The following DBN1 variants were observed in gnomAD, a reference collection of about 807,000 sequenced individuals.
DBN1 encodes the protein drebrin 1, also known as drebrin.
DBN1 carries 21 observed loss-of-function variants against 83.5 expected under a neutral mutation model. The ratio of observed to expected loss-of-function variants is 0.25; its 90% confidence interval spans 0.18 to 0.36. The LOEUF (loss-of-function observed/expected upper bound fraction) is 0.36. Among genes scored for constraint, DBN1 ranks in the 10% least tolerant of loss-of-function variants. The probability of loss-of-function intolerance (pLI) is 1.00; values close to 1 mark genes in which losing one functional copy is unlikely to be tolerated. For missense variants in DBN1, 874 were observed against 935.7 expected (o/e 0.93, Z 0.86); for synonymous variants, 381 against 384.9 (o/e 0.99, Z 0.12).
chr5:177,467,489 C>T lies in DBN1; in HGVS notation c.469G>A (p.Glu157Lys). 6.3e-7 allele frequency: 1 copy of T among 1,592,874 alleles called. No homozygotes were observed. Among genetic ancestry groups the T allele is most frequent in the Non-Finnish European group, 8.6e-7 (1 of 1,168,824 alleles). ...RLRLREDENAEPVGTTYQKTD... is the reference protein window; with the variant it reads ...RLRLREDENAKPVGTTYQKTD... ...GCCAAACACACACTAACCACGGGCTCTGCGTTCTCATCCTCTCGCAGCCGC... is the reference window on the plus strand; with the variant it reads ...GCCAAACACACACTAACCACGGGCTTTGCGTTCTCATCCTCTCGCAGCCGC... The change falls in exon 5 of 15, where the codon GAG (glutamate) becomes AAG (lysine). Residue 157 changes from glutamate (E) to lysine (K), a missense_variant. Glu to Lys is a moderately conservative substitution (Grantham distance 56). Transcript: ENST00000393565. This position sits in a 1 kb window ranked among gnomAD's most constrained non-coding sequence, Gnocchi z 9.1.
chr5:177,462,887 C>A (rs774865425), intron 8 of DBN1, among the ~76,000 whole-genome samples: 6 of 152,210 alleles, frequency 3.9e-5, no homozygotes, highest in African/African-American at 1.4e-4. Context: ...ATCTCCCCCA[C>A]TCCTCAGCCC....
chr5:177,459,387 T>G, intron 11 of DBN1, 119 bp from the exon 12 acceptor site: 2 of 1,454,850 alleles, frequency 1.4e-6, no homozygotes, highest in Non-Finnish European at 1.8e-6. Flanking sequence ...CTGGGAGCTC[T>G]CCAGCCCCAC....
At chr5:177,458,811 G>T in intron 12 of DBN1, 104 bp from the exon 13 acceptor site, 2 of 1,206,086 alleles carry the variant, frequency 1.7e-6, no homozygotes, top group Non-Finnish European at 2.2e-6. Context: ...CTTCCATGCA[G>T]GTGTCCCACT....
intron 8 of DBN1, among the ~76,000 whole-genome samples, chr5:177,463,389 G>C (rs1427230203): frequency 6.6e-6 from 1 of 152,070 alleles, no homozygotes; most frequent in Non-Finnish European, 1.5e-5. Context: ...AAACAAGTAA[G>C]GCCCAGAGGG....
chr5:177,460,775 T>TTTTA, intron 8 of DBN1, 72 bp from the exon 9 acceptor site: 1 of 1,466,834 alleles, frequency 6.8e-7, no homozygotes, highest in Non-Finnish European at 9.3e-7. Context: ...TTTTACTGTA[T>TTTTA]TTTATTTATT....
rs554158291 is a variant in DBN1 at position 177,467,922 on chromosome 5, C to A, written c.256-105G>T. Reference sequence around the variant, plus strand: ...GGAAGAGGGTGGGCTTCCCTCTCCACGGGTGTCAGAGGGCCGACGGGGAGG... The same window carrying A: ...GGAAGAGGGTGGGCTTCCCTCTCCAAGGGTGTCAGAGGGCCGACGGGGAGG... On this transcript the variant is annotated intron_variant, in intron 3 of 14. Coordinates refer to ENST00000393565, the MANE Select transcript of DBN1 (RefSeq NM_001363541.2). This position sits in a 1 kb window ranked among gnomAD's most constrained non-coding sequence, Gnocchi z 9.1. The A allele has an allele frequency of 1.1e-4, 157 of 1,459,082 alleles. No individual in the cohort carries two copies. Among genetic ancestry groups the A allele is most frequent in the Non-Finnish European group, 1.4e-4 (148 of 1,048,576 alleles). The allele number at this position is 1,459,082 out of a possible 1,614,324, so 90.4% of individuals were successfully genotyped here. A position where few individuals can be genotyped will look rare whatever the true frequency, so the allele number is the denominator to read the frequency against.
At position 177,467,626 on chromosome 5, in the gene DBN1, C is replaced by A. The variant is rs1267797359; in HGVS notation, c.332G>T (p.Gly111Val). Residue 111 changes from glycine (G) to valine (V), a missense_variant and splice_region_variant, in exon 5 of 15, where the codon GGT (glycine) becomes GTT (valine). Gly to Val is a moderately radical substitution (Grantham distance 109). This residue lies in a region of DBN1 where 65 missense variants were observed against 97.3 expected (regional missense o/e 0.67). Transcript: ENST00000393565. The surrounding 1 kb of genome is among the most constrained non-coding windows in gnomAD (Gnocchi z 9.1). ...HVAKVAEFFQ[G>V]VDVIVNASSV... Reference sequence around the variant, plus strand: ...GCTGGCGTTCACGATCACGTCGACACCCTTCCGCAAGAAGACGGCAGTGCT... The same window carrying A: ...GCTGGCGTTCACGATCACGTCGACAACCTTCCGCAAGAAGACGGCAGTGCT... 1.3e-6 allele frequency: 2 copies of A among 1,572,478 alleles called. No homozygotes were observed.
At chr5:177,470,300 G>A (rs1757750725) in intron 1 of DBN1, among the ~76,000 whole-genome samples, 2 of 152,148 alleles carry the variant, frequency 1.3e-5, no homozygotes, top group Admixed American at 1.3e-4. Flanking sequence ...AGCAGGCTCT[G>A]TCTCTCTCCA....
chr5:177,472,491 G>A (rs1014287026), intron 1 of DBN1: 2 of 1,097,428 alleles, frequency 1.8e-6, no homozygotes, highest in Non-Finnish European at 2.3e-6. Context: ...TGGGCCGCCA[G>A]CCCCAGAGCA....
rs535538987 is a variant in DBN1 at position 177,469,410 on chromosome 5, C to G, written c.87-511G>C. On this transcript the variant is annotated intron_variant, in intron 1 of 14. Coordinates refer to ENST00000393565, the MANE Select transcript of DBN1 (RefSeq NM_001363541.2). Reference sequence around the variant, plus strand: ...CCATGGCAACCCTGCAATTGGCACACGACTGGCCCACCCCAACTGCATTCT... The same window carrying G: ...CCATGGCAACCCTGCAATTGGCACAGGACTGGCCCACCCCAACTGCATTCT... Among the ~76,000 whole-genome samples, 82 of 152,238 alleles carry G rather than the reference C, an allele frequency of 5.4e-4. 1 individual carries two copies. Among genetic ancestry groups the G allele is most frequent in the African/African-American group, 1.9e-3 (80 of 41,528 alleles).
At chr5:177,464,963 G>T (rs913646857) in intron 8 of DBN1, among the ~76,000 whole-genome samples, 7 of 152,040 alleles carry the variant, frequency 4.6e-5, no homozygotes, top group Non-Finnish European at 8.8e-5. Context: ...GACCACCCTG[G>T]CTAACATGGT....
Position 177,458,599 on chromosome 5 carries a change from C to G in DBN1, c.1373G>C (p.Arg458Pro), listed in dbSNP as rs776359291. The change falls in exon 13 of 15, where the codon CGG becomes CCG. Residue 458 changes from arginine to proline, a missense_variant. By Grantham distance (103) the Arg-to-Pro change is moderately radical (BLOSUM62 -2). Transcript: ENST00000393565. ...GTCCTCTGCAGGGCTGCCTGGCCCC[C>G]GGGGAGGCGCCTGTGCCTGAGGGGG... ...EEPPQAQAPP[R>P]GPGSPAEDLM... 5 of 1,612,532 alleles carry G rather than the reference C, an allele frequency of 3.1e-6. No homozygotes were observed. The highest frequency in any genetic ancestry group is 1.3e-5 in the African/African-American group (1 of 74,894).
At position 177,470,578 on chromosome 5, in the gene DBN1, T is replaced by C. The variant is rs73349140; in HGVS notation, c.87-1679A>G. 2.5e-3 allele frequency among the ~76,000 whole-genome samples: 386 copies of C among 152,294 alleles called. 3 individuals are homozygous for C. Among genetic ancestry groups the C allele is most frequent in the African/African-American group, 7.9e-3 (328 of 41,566 alleles). ...TCCACACCACACACTTGGGACACAC[T>C]GGACGGCTCCCTGACCCAAGCAGGG... is the stretch of plus-strand genomic sequence containing the variant. On this transcript the variant is annotated intron_variant, in intron 1 of 14. Transcript: ENST00000393565.
chr5:177,466,902 C>G lies in DBN1; in HGVS notation c.707+9G>C, dbSNP rs761924647. 1 of 1,613,156 alleles carries G rather than the reference C, an allele frequency of 6.2e-7. No individual in the cohort carries two copies. The highest frequency in any genetic ancestry group is 8.5e-7 in the Non-Finnish European group (1 of 1,179,752). ...GGGCCCCTGGAGCGCTCCGGGCGGGCAGGCTCACCTGTGCTCCTCGATCTG... is the reference window on the plus strand; with the variant it reads ...GGGCCCCTGGAGCGCTCCGGGCGGGGAGGCTCACCTGTGCTCCTCGATCTG... On this transcript the variant is annotated intron_variant, in intron 7 of 14. Coordinates refer to ENST00000393565, the MANE Select transcript of DBN1 (RefSeq NM_001363541.2). This position sits in a 1 kb window ranked among gnomAD's most constrained non-coding sequence, Gnocchi z 4.8.
At chr5:177,459,489 C>T (rs987708993) in intron 11 of DBN1, 114 bp downstream of exon 11, 1 of 1,359,874 alleles carries the variant, frequency 7.4e-7, no homozygotes, top group Admixed American at 3.1e-5. Context: ...GCAGTGCCTG[C>T]CCTGGGGGCA....
In DBN1 at chr5:177,467,181, C is replaced by G; in HGVS notation, c.555+74G>C. On this transcript the variant is annotated intron_variant, in intron 6 of 14. Transcript: ENST00000393565. The surrounding 1 kb of genome is among the most constrained non-coding windows in gnomAD (Gnocchi z 9.1). Reference sequence around the variant, plus strand: ...GCACGTGGCATGGGCCATGCCACTGCAGTGAGGGACTCAGACCTGCCCCAT... The same window carrying G: ...GCACGTGGCATGGGCCATGCCACTGGAGTGAGGGACTCAGACCTGCCCCAT... 6.2e-7 allele frequency: 1 copy of G among 1,606,202 alleles called. No homozygotes were observed. Among genetic ancestry groups the G allele is most frequent in the South Asian group, 1.1e-5 (1 of 90,904 alleles).
intron 8 of DBN1, 22 bp from the exon 9 acceptor site, chr5:177,460,725 T>G: frequency 1.2e-6 from 2 of 1,612,726 alleles, no homozygotes; most frequent in Non-Finnish European, 1.7e-6. Flanking sequence ...AGGGACAGTG[T>G]CTGGTGCACC....
At chr5:177,469,050 C>A (rs1464088829) in intron 1 of DBN1, 151 bp from the exon 2 acceptor site, 2 of 472,384 alleles carry the variant, frequency 4.2e-6, no homozygotes, top group African/African-American at 4.0e-5. Context: ...GGCCAGGCAT[C>A]GGTTCAGGCG....
Position 177,466,922 on chromosome 5 carries a change from G to C in DBN1, c.696C>G (p.Ile232Met), listed in dbSNP as rs773980990. ...ERRYREREQQ[I>M]EEHRRKQQTL... Reference sequence around the variant, plus strand: ...GCGGGCAGGCTCACCTGTGCTCCTCGATCTGCTGCTCCCGCTCCCGGTAGC... The same window carrying C: ...GCGGGCAGGCTCACCTGTGCTCCTCCATCTGCTGCTCCCGCTCCCGGTAGC... Residue 232 changes from isoleucine (I) to methionine (M), a missense_variant, in exon 7 of 15, where the codon ATC becomes ATG. Physicochemically the swap from Ile to Met is conservative, Grantham distance 10. This residue lies in a region of DBN1 where 725 missense variants were observed against 719.7 expected (regional missense o/e 1.01). Transcript: ENST00000393565. This position sits in a 1 kb window ranked among gnomAD's most constrained non-coding sequence, Gnocchi z 4.8. 2 of 1,612,826 alleles carry C rather than the reference G, an allele frequency of 1.2e-6. No individual in the cohort carries two copies. The highest frequency in any genetic ancestry group is 1.7e-6 in the Non-Finnish European group (2 of 1,179,756).
Sources: allele counts gnomAD v4.1 joint callset (sites outside exome capture counted in the v4.1 genomes callset), GRCh38; gene constraint gnomAD v4.1.1; regional missense constraint gnomAD v4.1.1; non-coding constraint Gnocchi (gnomAD v3.1); transcripts MANE v1.5; gene names NCBI Gene and HGNC (gene_info 2026-07-23, HGNC 2026-07-21).